The following ZC3H12B variants were observed in gnomAD, a reference collection of about 807,000 sequenced individuals.
The protein encoded by ZC3H12B is probable ribonuclease ZC3H12B.
In ZC3H12B, 7 loss-of-function variants were observed where a neutral mutation model predicts 43.9. The ratio of observed to expected loss-of-function variants is 0.16; its 90% confidence interval spans 0.09 to 0.30. The LOEUF (loss-of-function observed/expected upper bound fraction) is 0.30. Among genes scored for constraint, ZC3H12B ranks in the 10% least tolerant of loss-of-function variants. ZC3H12B has a pLI of 1.00. For synonymous variants in ZC3H12B, 222 were observed against 241.7 expected, an observed-to-expected ratio of 0.92 and a Z score of 0.76; for missense variants, 475 against 670.2, an observed-to-expected ratio of 0.71 and a Z score of 3.22.
At chrX:65,269,627 G>A in the ZC3H12B span, among the ~76,000 whole-genome samples, 2 of 110,240 alleles carry the variant, frequency 1.8e-5, no homozygotes, top group Admixed American at 1.9e-4. Flanking sequence ...AGCCTCCTGA[G>A]TAGGTGGGAC....
chrX:65,489,111 T>G lies in ZC3H12B; in HGVS notation c.310T>G (p.Leu104Val). ...CATTTTACAGGATGGTAAACTTGAC[T>G]TGGAGAAGGAATACCAAGCTAAGAT... The change falls in exon 1 of 5, where the codon TTG (leucine) becomes GTG (valine). Residue 104 changes from leucine to valine, a missense_variant. Physicochemically the swap from Leu to Val is conservative, Grantham distance 32. This residue lies in a region of ZC3H12B where 160 missense variants were observed against 236.0 expected (regional missense o/e 0.68). Transcript: ENST00000338957. 3.3e-6 allele frequency: 4 copies of G among 1,211,856 alleles called. No homozygotes were observed. Among genetic ancestry groups the G allele is most frequent in the East Asian group, 3.0e-5 (1 of 33,847 alleles).
intron 2 of ZC3H12B, among the ~76,000 whole-genome samples, chrX:65,396,704 G>A (rs1046549275): frequency 6.3e-5 from 7 of 110,914 alleles, no homozygotes; most frequent in Non-Finnish European, 1.3e-4. Flanking sequence ...GAGTTCTGTA[G>A]ATGTCTATTA....
chrX:65,445,584 T>C (rs754650166), intron 3 of ZC3H12B, among the ~76,000 whole-genome samples: 8 of 112,737 alleles, frequency 7.1e-5, no homozygotes, highest in African/African-American at 9.7e-5. Flanking sequence ...CCACTGGGAC[T>C]GTACTGGGTC....
At chrX:65,194,440 C>T in the ZC3H12B span, among the ~76,000 whole-genome samples, 3 of 110,906 alleles carry the variant, frequency 2.7e-5, no homozygotes, top group East Asian at 2.8e-4. Flanking sequence ...ACTCACTGAT[C>T]ATTCAGGGAA....
At chrX:65,121,033 A>G in the ZC3H12B span, among the ~76,000 whole-genome samples, 5 of 110,879 alleles carry the variant, frequency 4.5e-5, no homozygotes, top group African/African-American at 9.8e-5. Flanking sequence ...TTTTTGATGT[A>G]CTGCAGGATT....
the ZC3H12B span, among the ~76,000 whole-genome samples, chrX:65,321,712 G>C: frequency 9.2e-6 from 1 of 109,046 alleles, no homozygotes; most frequent in Admixed American, 9.7e-5. Context: ...CCATGCAGCC[G>C]TAGAAGAGAG....
intron 2 of ZC3H12B, among the ~76,000 whole-genome samples, chrX:65,387,342 C>A (rs1248323875): frequency 8.9e-6 from 1 of 111,771 alleles, no homozygotes; most frequent in Non-Finnish European, 1.9e-5. Flanking sequence ...TGGGTGCATA[C>A]ATATTTAGGA....
At chrX:65,427,554 C>T (rs2067099204) in intron 3 of ZC3H12B, among the ~76,000 whole-genome samples, 1 of 110,723 alleles carries the variant, frequency 9.0e-6, no homozygotes, top group Admixed American at 9.6e-5. Context: ...GCCTCAAACT[C>T]CTGAGCTCAT....
At chrX:65,418,925 C>T (rs2066989305) in intron 3 of ZC3H12B, among the ~76,000 whole-genome samples, 1 of 111,911 alleles carries the variant, frequency 8.9e-6, no homozygotes, top group African/African-American at 3.3e-5. Flanking sequence ...ACCAGGGTAA[C>T]TGTGCAACAT....
chrX:65,102,755 C>A, the ZC3H12B span, among the ~76,000 whole-genome samples: 12 of 111,270 alleles, frequency 1.1e-4, no homozygotes, highest in African/African-American at 2.9e-4. Flanking sequence ...GATAATTCAA[C>A]GTAAAAATAA....
At chrX:65,278,123 A>G in the ZC3H12B span, among the ~76,000 whole-genome samples, 1 of 112,045 alleles carries the variant, frequency 8.9e-6, no homozygotes, top group Admixed American at 9.4e-5. Flanking sequence ...TGAAAATACA[A>G]AAGAGTATTG....
chrX:65,362,584 C>A (rs910531398), upstream of ZC3H12B, among the ~76,000 whole-genome samples: 1 of 110,248 alleles, frequency 9.1e-6, no homozygotes, highest in African/African-American at 3.3e-5. Context: ...TATCCCCCCA[C>A]CTTAACCCAC....
chrX:65,146,587 G>A, the ZC3H12B span, among the ~76,000 whole-genome samples: 1 of 111,702 alleles, frequency 9.0e-6, no homozygotes, highest in South Asian at 3.8e-4. Context: ...CATTTAGGTA[G>A]TCTCTGTCAG....
chrX:65,065,386 C>T, the ZC3H12B span, among the ~76,000 whole-genome samples: 1 of 111,636 alleles, frequency 9.0e-6, no homozygotes, highest in Non-Finnish European at 1.9e-5. Flanking sequence ...GATTTTATTT[C>T]TCTATTGCTT....
At chrX:65,245,971 C>A in the ZC3H12B span, among the ~76,000 whole-genome samples, 2 of 110,760 alleles carry the variant, frequency 1.8e-5, no homozygotes, top group African/African-American at 6.6e-5. Flanking sequence ...GGAAATCAAA[C>A]TATCCCTGTT....
chrX:65,289,398 C>T, the ZC3H12B span, among the ~76,000 whole-genome samples: 2 of 109,620 alleles, frequency 1.8e-5, no homozygotes, highest in Admixed American at 2.0e-4. Flanking sequence ...GATACTATAC[C>T]CACTTCCTGG....
the ZC3H12B span, among the ~76,000 whole-genome samples, chrX:65,135,662 T>C: frequency 8.2e-5 from 9 of 109,296 alleles, no homozygotes; most frequent in Non-Finnish European, 1.5e-4. Context: ...TTTTCTTCTC[T>C]CCTTTTGGGA....
chrX:65,337,424 C>T, the ZC3H12B span, among the ~76,000 whole-genome samples: 1 of 112,100 alleles, frequency 8.9e-6, no homozygotes, highest in Non-Finnish European at 1.9e-5. Flanking sequence ...ACAGAATAGC[C>T]TGACTTTTTT....
chrX:65,156,114 A>C, the ZC3H12B span, among the ~76,000 whole-genome samples: 1 of 111,339 alleles, frequency 9.0e-6, no homozygotes, highest in Non-Finnish European at 1.9e-5. Flanking sequence ...GTATCCTCTT[A>C]GTATCTTTAT....
Sources: allele counts gnomAD v4.1 joint callset (sites outside exome capture counted in the v4.1 genomes callset), GRCh38; gene constraint gnomAD v4.1.1; regional missense constraint gnomAD v4.1.1; transcripts MANE v1.5; gene names NCBI Gene and HGNC (gene_info 2026-07-23, HGNC 2026-07-21).